The following CAPN3 variants were observed in gnomAD, a reference collection of about 807,000 sequenced individuals.
The protein encoded by CAPN3 is calpain 3.
In CAPN3, 88 loss-of-function variants were observed where a neutral mutation model predicts 114.0. That is an observed-to-expected ratio of 0.77 (90% confidence interval 0.65 to 0.92). The LOEUF is 0.92. CAPN3 is among the 40% of genes least tolerant of loss of function. The pLI is 0.00. For synonymous variants in CAPN3, 386 were observed against 382.9 expected, an observed-to-expected ratio of 1.01 and a Z score of -0.09; for missense variants, 1,028 against 1,069.0, an observed-to-expected ratio of 0.96 and a Z score of 0.53.
chr15:42,384,463 A>C lies in CAPN3; in HGVS notation c.310-20A>C, dbSNP rs537236363. The C allele has an allele frequency of 1.4e-4, 225 of 1,584,064 alleles. 2 individuals are homozygous for C. The South Asian group carries it at 2.4e-3, about 17-fold the overall frequency. ...TATCTACTGTTATTCTTACCTGGTCATTTCCTTTTTGTTTCACAGGAAATT... is the reference window on the plus strand; with the variant it reads ...TATCTACTGTTATTCTTACCTGGTCCTTTCCTTTTTGTTTCACAGGAAATT... On this transcript the variant is annotated intron_variant, in intron 1 of 23. Transcript: ENST00000397163.
intron 1 of CAPN3, among the ~76,000 whole-genome samples, chr15:42,380,757 T>A (rs1354822846): frequency 0.012 from 1,251 of 103,762 alleles, 3 homozygotes; most frequent in African/African-American, 0.023. Context: ...ATATATTTTT[T>A]TTTTTTTTTT....
Position 42,402,414 on chromosome 15 carries a change from C to T in CAPN3, c.1536+279C>T, listed in dbSNP as rs919239647. ...ACCCTCCTCCACGCTTACAGCCACA[C>T]ACACAGTCACACAGACGCGTTCTGA... is the stretch of plus-strand genomic sequence containing the variant. On this transcript the variant is annotated intron_variant, in intron 12 of 23. Coordinates refer to ENST00000397163, the MANE Select transcript of CAPN3 (RefSeq NM_000070.3). 9.7e-6 allele frequency: 14 copies of T among 1,438,042 alleles called. No homozygotes were observed. In the African/African-American group the frequency reaches 1.6e-4, roughly 16 times the overall value. 89.1% of individuals were successfully genotyped at this position (1,438,042 alleles called of 1,614,324 possible).
intron 16 of CAPN3, 35 bp downstream of exon 16, chr15:42,408,359 C>T: frequency 1.5e-6 from 2 of 1,361,314 alleles, no homozygotes; most frequent in Non-Finnish European, 2.1e-6. Flanking sequence ...GGGTGGCCAG[C>T]ACGCTACAGG....
Position 42,366,837 on chromosome 15 carries a change from TTTC to T in CAPN3, c.309+6726_309+6728del, listed in dbSNP as rs1340224971. Among the ~76,000 whole-genome samples, 20 of 143,490 alleles carry T rather than the reference TTTC, an allele frequency of 1.4e-4. 1 individual carries two copies. The highest frequency in any genetic ancestry group is 6.6e-4 in the South Asian group (3 of 4,520). 94.1% of individuals were successfully genotyped at this position (143,490 alleles called of 152,430 possible). ...CAGAATTCTTTTTTTTCTTTTTTTT[TTTC>T]TTTTTTTTTTTGAGACAGGGTCTCG... On this transcript the variant is annotated intron_variant, in intron 1 of 23. Coordinates refer to ENST00000397163, the MANE Select transcript of CAPN3 (RefSeq NM_000070.3).
intron 4 of CAPN3, 106 bp downstream of exon 4, chr15:42,387,992 C>T: frequency 2.2e-6 from 3 of 1,367,456 alleles, no homozygotes; most frequent in South Asian, 2.4e-5. Context: ...TCTATACGTG[C>T]ATATGTGTGG....
chr15:42,376,801 C>A (rs2053100392), intron 1 of CAPN3, among the ~76,000 whole-genome samples: 1 of 152,104 alleles, frequency 6.6e-6, no homozygotes, highest in African/African-American at 2.4e-5. Flanking sequence ...ATACACATAT[C>A]TATAATATTT....
intron 3 of CAPN3, among the ~76,000 whole-genome samples, chr15:42,386,960 G>C (rs1274902507): frequency 6.6e-6 from 1 of 152,084 alleles, no homozygotes; most frequent in Non-Finnish European, 1.5e-5. Context: ...CATGTCCCAG[G>C]ATGACCCACA....
intron 12 of CAPN3, chr15:42,402,449 C>T: frequency 7.0e-7 from 1 of 1,428,618 alleles, no homozygotes; most frequent in South Asian, 1.5e-5. Context: ...AGGGTGGCTG[C>T]CCGCTTGGGA....
At chr15:42,401,944 G>A in intron 11 of CAPN3, 134 bp downstream of exon 11, 3 of 1,329,572 alleles carry the variant, frequency 2.3e-6, no homozygotes, top group Non-Finnish European at 3.2e-6. Context: ...AGGACCACTT[G>A]TGTTTGTAAC....
At chr15:42,383,619 A>G (rs2053306213) in intron 1 of CAPN3, among the ~76,000 whole-genome samples, 1 of 152,124 alleles carries the variant, frequency 6.6e-6, no homozygotes, top group Non-Finnish European at 1.5e-5. Context: ...CTCAAAAACA[A>G]TACAAAACAC....
intron 1 of CAPN3, among the ~76,000 whole-genome samples, chr15:42,366,717 A>G (rs1388850234): frequency 6.6e-6 from 1 of 152,084 alleles, no homozygotes; most frequent in African/African-American, 2.4e-5. Flanking sequence ...AAGAGGGAGG[A>G]GAGCTAGAAC....
intron 1 of CAPN3, among the ~76,000 whole-genome samples, chr15:42,381,026 T>C (rs74503344): frequency 6.6e-6 from 1 of 152,100 alleles, no homozygotes; most frequent in Non-Finnish European, 1.5e-5. Context: ...CTAGGTACTT[T>C]ATAACAGAGA....
intron 1 of CAPN3, among the ~76,000 whole-genome samples, chr15:42,367,655 A>C (rs1212639950): frequency 6.6e-6 from 1 of 152,216 alleles, no homozygotes; most frequent in Non-Finnish European, 1.5e-5. Flanking sequence ...GGATGGCTCC[A>C]TCTCCTTGAG....
chr15:42,392,718 A>T lies in CAPN3; in HGVS notation c.1025A>T (p.Asp342Val), dbSNP rs2053592474. The change falls in exon 7 of 24, where the codon GAT (aspartate) becomes GTT (valine). Residue 342 changes from aspartate to valine, a missense_variant. By Grantham distance (152) the Asp-to-Val change is radical. Coordinates refer to ENST00000397163, the MANE Select transcript of CAPN3 (RefSeq NM_000070.3). ...CACGCCTACTCTGTCACGGGGCTGG[A>T]TGAGGTAAGCCTGGTGGGGCTTGGT... ...RGHAYSVTGL[D>V]EVPFKGEKVK... 6.2e-7 allele frequency: 1 copy of T among 1,613,516 alleles called. No homozygotes were observed. The highest frequency in any genetic ancestry group is 8.5e-7 in the Non-Finnish European group (1 of 1,179,656).
At chr15:42,403,252 C>T (rs1409338013) in intron 13 of CAPN3, among the ~76,000 whole-genome samples, 1 of 152,176 alleles carries the variant, frequency 6.6e-6, no homozygotes, top group Non-Finnish European at 1.5e-5. Flanking sequence ...TCCCTGCCTT[C>T]ATGGAGCTTA....
intron 1 of CAPN3, among the ~76,000 whole-genome samples, chr15:42,380,549 A>T (rs1166178668): frequency 8.3e-5 from 12 of 144,816 alleles, no homozygotes; most frequent in Non-Finnish European, 1.7e-4. Context: ...CCAAACTAAT[A>T]TGTTTGTATG....
intron 6 of CAPN3, 60 bp downstream of exon 6, chr15:42,390,156 A>G (rs2053518028): frequency 1.1e-5 from 17 of 1,594,026 alleles, no homozygotes; most frequent in South Asian, 7.7e-5. Context: ...ACCCCGCCCT[A>G]TTAGTGTCAG....
At chr15:42,372,940 G>A (rs13380403) in intron 1 of CAPN3, among the ~76,000 whole-genome samples, 2,534 of 151,952 alleles carry the variant, frequency 0.017, 74 homozygotes, top group African/African-American at 0.059. Flanking sequence ...TGCAATCCCA[G>A]CACTTTGGGA....
chr15:42,409,472 A>G, intron 17 of CAPN3, 92 bp downstream of exon 17: 2 of 1,296,208 alleles, frequency 1.5e-6, no homozygotes, highest in South Asian at 2.5e-5. Flanking sequence ...ATTGTTTGGT[A>G]GAGGTCACTT....
Sources: allele counts gnomAD v4.1 joint callset (sites outside exome capture counted in the v4.1 genomes callset), GRCh38; gene constraint gnomAD v4.1.1; transcripts MANE v1.5; gene names NCBI Gene and HGNC (gene_info 2026-07-23, HGNC 2026-07-21).